PLXDC2: variants seen among roughly 807,000 people sequenced by gnomAD.
PLXDC2 encodes plexin domain containing 2, also known as plexin domain-containing protein 2.
PLXDC2 carries 40 observed loss-of-function variants against 68.9 expected under a neutral mutation model. That is an observed-to-expected ratio of 0.58 (90% CI 0.45 to 0.76). The LOEUF (loss-of-function observed/expected upper bound fraction) is 0.76. Among genes scored for constraint, PLXDC2 ranks in the 30% least tolerant of loss-of-function variants. The pLI, the probability that PLXDC2 is intolerant of heterozygous loss-of-function variation, is 0.00. For missense variants in PLXDC2, 644 were observed against 661.9 expected (o/e 0.97, Z 0.30); for synonymous variants, 243 against 234.2 (o/e 1.04, Z -0.34).
At chr10:19,938,793 G>C (rs1833769757) in intron 1 of PLXDC2, among the ~76,000 whole-genome samples, 1 of 152,216 alleles carries the variant, frequency 6.6e-6, no homozygotes, top group South Asian at 2.1e-4. Flanking sequence ...TATCAACAGT[G>C]TTGTAATTAG....
chr10:20,212,130 A>G (rs1835077776), intron 10 of PLXDC2, among the ~76,000 whole-genome samples: 1 of 151,896 alleles, frequency 6.6e-6, no homozygotes, highest in Admixed American at 6.6e-5. Context: ...TTGGAGAGTC[A>G]GGTAAATGGC....
intron 1 of PLXDC2, among the ~76,000 whole-genome samples, chr10:19,926,979 A>G (rs941404804): frequency 6.6e-6 from 1 of 152,062 alleles, no homozygotes; most frequent in African/African-American, 2.4e-5. Context: ...CCTCATCTTC[A>G]TTTCTAATGT....
chr10:20,229,546 TGTTGATG>T (rs1835333135), intron 12 of PLXDC2, among the ~76,000 whole-genome samples: 1 of 145,802 alleles, frequency 6.9e-6, no homozygotes, highest in Admixed American at 6.9e-5. Context: ...AAGGAATTGA[TGTTGATG>T]GTTGATGGAG....
chr10:19,896,894 G>A (rs1838066964), intron 1 of PLXDC2, among the ~76,000 whole-genome samples: 3 of 152,108 alleles, frequency 2.0e-5, no homozygotes. Context: ...ATCCCAAAAT[G>A]TATCCATCTG....
At chr10:19,907,847 A>G (rs1364449957) in intron 1 of PLXDC2, among the ~76,000 whole-genome samples, 1 of 152,174 alleles carries the variant, frequency 6.6e-6, no homozygotes, top group Non-Finnish European at 1.5e-5. Flanking sequence ...CTTTATTGCC[A>G]TGAACCTCAC....
rs1404840265 is a variant in PLXDC2 at position 20,288,406 on chromosome 10, T to C, written c.*8587T>C. 1 of 152,096 alleles carries C rather than the reference T, an allele frequency of 6.6e-6. No individual in the cohort carries two copies. Among genetic ancestry groups the C allele is most frequent in the African/African-American group, 2.4e-5 (1 of 41,402 alleles). 9.4% of individuals were successfully genotyped at this position (152,096 alleles called of 1,614,324 possible). A position where few individuals can be genotyped will look rare whatever the true frequency, so the allele number is the denominator to read the frequency against. On this transcript the variant is annotated 3_prime_UTR_variant, in exon 14 of 14. Transcript: ENST00000377252. Reference sequence around the variant, plus strand: ...AAGCCTGCATTCTGTCATGCTAAAATAACCAGCCCATACTTCTCGGTGACC... The same window carrying C: ...AAGCCTGCATTCTGTCATGCTAAAACAACCAGCCCATACTTCTCGGTGACC...
intron 4 of PLXDC2, among the ~76,000 whole-genome samples, chr10:20,125,362 A>G (rs1833758397): frequency 6.6e-6 from 1 of 152,190 alleles, no homozygotes; most frequent in Non-Finnish European, 1.5e-5. Context: ...AGCAAACACA[A>G]TTGGATGGTG....
At chr10:20,182,071 TTGTGTGTGTG>T (rs111252782) in intron 9 of PLXDC2, among the ~76,000 whole-genome samples, 2 of 146,456 alleles carry the variant, frequency 1.4e-5, no homozygotes, top group Non-Finnish European at 3.0e-5. Context: ...AACCGGTTAT[TTGTGTGTGTG>T]TGTGTGTGTG....
intron 1 of PLXDC2, among the ~76,000 whole-genome samples, chr10:19,985,892 G>A (rs373931424): frequency 6.4e-4 from 98 of 152,230 alleles, no homozygotes; most frequent in African/African-American, 2.3e-3. Flanking sequence ...TGGGGGATAC[G>A]GTTTCTTCTC....
rs538905185 is a variant in PLXDC2, at chr10:19,955,169, G to GC, written c.113-46605dup. ...GTCTTCTGAGTAGCTGGGACTATCG[G>GC]CATGCACCACTATGCCCAGCTCATT... On this transcript the variant is annotated intron_variant, in intron 1 of 13. Transcript: ENST00000377252. Among the ~76,000 whole-genome samples, 82 of 147,368 alleles carry GC rather than the reference G, an allele frequency of 5.6e-4. No homozygotes were observed. In the South Asian group the frequency reaches 7.9e-3, roughly 14 times the overall value.
chr10:20,190,750 G>A (rs1159453363), intron 9 of PLXDC2, among the ~76,000 whole-genome samples: 1 of 151,768 alleles, frequency 6.6e-6, no homozygotes, highest in East Asian at 1.9e-4. Flanking sequence ...GGAATCTAAT[G>A]TTAAAATATA....
At chr10:20,241,314 A>G (rs1835512938) in intron 12 of PLXDC2, among the ~76,000 whole-genome samples, 1 of 152,198 alleles carries the variant, frequency 6.6e-6, no homozygotes. Context: ...GGACAAAATT[A>G]ATTTTATTTC....
chr10:20,135,994 T>C (rs1488746190), intron 4 of PLXDC2, among the ~76,000 whole-genome samples: 1 of 152,190 alleles, frequency 6.6e-6, no homozygotes, highest in Non-Finnish European at 1.5e-5. Context: ...AAAAATCCCT[T>C]CATATATTTT....
At chr10:19,853,722 G>A (rs906595367) in intron 1 of PLXDC2, among the ~76,000 whole-genome samples, 1 of 152,098 alleles carries the variant, frequency 6.6e-6, no homozygotes, top group Non-Finnish European at 1.5e-5. Context: ...AAGAGACACA[G>A]TAAATGAAAG....
rs1316048251 is a variant in PLXDC2, at chr10:20,005,823, A to G, written c.324+3837A>G. ...GCCCCACCTCCAACACTGGGATTAC[A>G]TTTCCAAATGAGATTCGGAAGGGAC... is the stretch of plus-strand genomic sequence containing the variant. On this transcript the variant is annotated intron_variant, in intron 2 of 13. Transcript: ENST00000377252. Among the ~76,000 whole-genome samples, 6 of 152,280 alleles carry G rather than the reference A, an allele frequency of 3.9e-5. No homozygotes were observed. In the East Asian group the frequency reaches 1.2e-3, roughly 29 times the overall value.
intron 12 of PLXDC2, among the ~76,000 whole-genome samples, chr10:20,239,893 A>G (rs193295662): frequency 2.6e-5 from 4 of 152,338 alleles, no homozygotes; most frequent in South Asian, 2.1e-4. Flanking sequence ...AAGCACTTAC[A>G]CTTTCTAAAT....
intron 2 of PLXDC2, among the ~76,000 whole-genome samples, chr10:20,022,545 A>T (rs1227567078): frequency 1.3e-5 from 2 of 152,126 alleles, no homozygotes; most frequent in Non-Finnish European, 2.9e-5. Flanking sequence ...TATTTGTATC[A>T]TGGGTAGCTT....
chr10:20,003,581 C>G (rs970257555), intron 2 of PLXDC2, among the ~76,000 whole-genome samples: 1 of 152,064 alleles, frequency 6.6e-6, no homozygotes, highest in African/African-American at 2.4e-5. Flanking sequence ...TACAGGTGTG[C>G]ACCACCACAC....
At chr10:20,012,056 TTG>T (rs1835123208) in intron 2 of PLXDC2, among the ~76,000 whole-genome samples, 1 of 152,206 alleles carries the variant, frequency 6.6e-6, no homozygotes, top group South Asian at 2.1e-4. Flanking sequence ...TCTTGTGTCT[TTG>T]TCAAATATTG....
Sources: gnomAD v4.1 joint callset for allele counts (sites outside exome capture counted in the v4.1 genomes callset) on GRCh38, gnomAD v4.1.1 for gene constraint, MANE v1.5 for transcripts, NCBI Gene and HGNC (gene_info 2026-07-23, HGNC 2026-07-21) for gene names.